LNPEP: variants seen among roughly 807,000 people sequenced by gnomAD.
LNPEP encodes the protein leucyl and cystinyl aminopeptidase, also known as leucyl-cystinyl aminopeptidase.
LNPEP carries 64 observed loss-of-function variants against 120.6 expected under a neutral mutation model. The ratio of observed to expected loss-of-function variants is 0.53; its 90% CI spans 0.43 to 0.65. The LOEUF (loss-of-function observed/expected upper bound fraction) is 0.65, where lower values mean the gene tolerates loss of function less well. Among genes scored for constraint, LNPEP ranks in the 30% least tolerant of loss-of-function variants. LNPEP has a pLI of 0.00. For missense variants in LNPEP, 1,057 were observed against 1,200.0 expected, an observed-to-expected ratio of 0.88 and a Z score of 1.76; for synonymous variants, 435 against 425.4, an observed-to-expected ratio of 1.02 and a Z score of -0.28.
At chr5:96,974,788 C>T (rs944955935) in intron 1 of LNPEP, among the ~76,000 whole-genome samples, 7 of 152,056 alleles carry the variant, frequency 4.6e-5, no homozygotes, top group Admixed American at 3.9e-4. Context: ...TTTACTTGAC[C>T]TTTCTAAAAT....
chr5:96,971,318 AC>A (rs1461929408), intron 1 of LNPEP, among the ~76,000 whole-genome samples: 9 of 147,876 alleles, frequency 6.1e-5, no homozygotes, highest in African/African-American at 2.3e-4. Context: ...AGCAGTTTTG[AC>A]CATGATGTGC....
intron 1 of LNPEP, among the ~76,000 whole-genome samples, chr5:96,948,838 C>T (rs1789253916): frequency 6.6e-6 from 1 of 151,930 alleles, no homozygotes; most frequent in South Asian, 2.1e-4. Context: ...TATAAATCTA[C>T]CTTATTTTGT....
intron 1 of LNPEP, among the ~76,000 whole-genome samples, chr5:96,947,275 A>AT (rs1789207447): frequency 6.6e-6 from 1 of 152,174 alleles, no homozygotes; most frequent in African/African-American, 2.4e-5. Flanking sequence ...GAATATAAAG[A>AT]TTTTTTGTTA....
At chr5:96,962,871 T>C (rs1360374527) in intron 1 of LNPEP, 1 of 151,748 alleles carries the variant, frequency 6.6e-6, no homozygotes, top group East Asian at 1.9e-4. Flanking sequence ...TCAGTGGTGG[T>C]AGTGACGATG....
intron 6 of LNPEP, chr5:96,996,055 C>A: frequency 6.0e-6 from 1 of 166,352 alleles, no homozygotes; most frequent in Non-Finnish European, 1.3e-5. Context: ...GGAAATCTCA[C>A]TTTATGAGGT....
chr5:97,013,585 T>C, intron 11 of LNPEP, 63 bp from the exon 12 acceptor site: 1 of 905,402 alleles, frequency 1.1e-6, no homozygotes, highest in South Asian at 3.0e-5. Flanking sequence ...AAAGCACTCA[T>C]AATTTTTTTT....
chr5:97,013,988 C>A (rs1324119900), intron 12 of LNPEP, among the ~76,000 whole-genome samples, 157 bp downstream of exon 12: 1 of 152,012 alleles, frequency 6.6e-6, no homozygotes, highest in Non-Finnish European at 1.5e-5. Context: ...CCTCCAGGGA[C>A]TTTATAAAAC....
chr5:96,945,074 C>G (rs1420090063), intron 1 of LNPEP, among the ~76,000 whole-genome samples: 2 of 151,810 alleles, frequency 1.3e-5, no homozygotes, highest in African/African-American at 2.4e-5. Context: ...TAAAATGTGC[C>G]AGACTCTTAG....
intron 3 of LNPEP, among the ~76,000 whole-genome samples, chr5:96,985,857 A>C (rs1582005205): frequency 6.6e-6 from 1 of 151,634 alleles, no homozygotes; most frequent in South Asian, 2.1e-4. Flanking sequence ...AGCCATACCC[A>C]GCAGGCTATG....
chr5:96,992,249 G>T (rs957200184), intron 4 of LNPEP, among the ~76,000 whole-genome samples: 12 of 152,144 alleles, frequency 7.9e-5, no homozygotes, highest in African/African-American at 2.9e-4. Context: ...GAGTGAATGG[G>T]CAGTGGGAGA....
At position 97,034,494 on chromosome 5, in the gene LNPEP, ATTG is replaced by A. The variant is rs1369648681; in HGVS notation, c.*5967_*5969del. On this transcript the variant is annotated 3_prime_UTR_variant, in exon 18 of 18. Coordinates refer to ENST00000231368, the MANE Select transcript of LNPEP (RefSeq NM_005575.3). ...ATATAAAAGTTTGCTAGTTGTTGTT[ATTG>A]TTGTTCTTTCACTCTCAACACAGTT... 1.4e-4 allele frequency: 21 copies of A among 148,132 alleles called. No homozygotes were observed. Among genetic ancestry groups the A allele is most frequent in the African/African-American group, 4.7e-4 (19 of 40,026 alleles). 9.2% of individuals were successfully genotyped at this position (148,132 alleles called of 1,614,324 possible). A position where few individuals can be genotyped will look rare whatever the true frequency, so the allele number is the denominator to read the frequency against.
rs543155083 is a variant in LNPEP at position 96,993,880 on chromosome 5, G to T, written c.1316G>T (p.Arg439Leu). Reference sequence around the variant, plus strand: ...GAAAATTGGGGTTTGCTCACCTTCCGAGAGGAGACACTTCTGTATGACAGT... The same window carrying T: ...GAAAATTGGGGTTTGCTCACCTTCCTAGAGGAGACACTTCTGTATGACAGT... The part of the protein sequence containing the change: ...AMENWGLLTF[R>L]EETLLYDSNT... Residue 439 changes from arginine (R) to leucine (L), a missense_variant, in exon 6 of 18, where the codon CGA (arginine) becomes CTA (leucine). Coordinates refer to ENST00000231368, the MANE Select transcript of LNPEP (RefSeq NM_005575.3). The T allele has an allele frequency of 5.0e-6, 8 of 1,613,836 alleles. No individual in the cohort carries two copies. In the East Asian group the frequency reaches 1.6e-4, roughly 31 times the overall value.
intron 1 of LNPEP, chr5:96,936,391 G>GCGC (rs148133629): frequency 0.3 from 97,679 of 324,384 alleles, 17,925 homozygotes; most frequent in Non-Finnish European, 0.33. Flanking sequence ...TTGAAGGTCA[G>GCGC]CGCCGCCGCC....
intron 11 of LNPEP, among the ~76,000 whole-genome samples, chr5:97,013,143 T>C (rs1790980486): frequency 6.6e-6 from 1 of 152,112 alleles, no homozygotes; most frequent in African/African-American, 2.4e-5. Flanking sequence ...ACTTTCTCTC[T>C]GGGCCTTGAG....
At chr5:96,936,867 A>G (rs1788907491) in intron 1 of LNPEP, 1 of 152,126 alleles carries the variant, frequency 6.6e-6, no homozygotes, top group South Asian at 2.1e-4. Flanking sequence ...TGGTGATACC[A>G]CTGTGTGACA....
At chr5:97,001,861 C>T (rs1022769696) in intron 8 of LNPEP, among the ~76,000 whole-genome samples, 3 of 152,082 alleles carry the variant, frequency 2.0e-5, no homozygotes, top group African/African-American at 7.2e-5. Context: ...TACTTCCGGC[C>T]GGGCATGGTA....
chr5:96,951,618 C>G (rs889970852), intron 1 of LNPEP, among the ~76,000 whole-genome samples: 1 of 152,112 alleles, frequency 6.6e-6, no homozygotes, highest in Non-Finnish European at 1.5e-5. Flanking sequence ...GGGGATACAA[C>G]TGTATCATAG....
intron 4 of LNPEP, among the ~76,000 whole-genome samples, chr5:96,989,436 T>C (rs13190351): frequency 7.2e-6 from 1 of 138,298 alleles, no homozygotes; most frequent in Non-Finnish European, 1.5e-5. Context: ...ATTATATATT[T>C]ATATATATTA....
At chr5:97,009,756 G>A (rs1790881176) in intron 11 of LNPEP, among the ~76,000 whole-genome samples, 1 of 152,058 alleles carries the variant, frequency 6.6e-6, no homozygotes, top group Admixed American at 6.6e-5. Context: ...CTGTCCTTAC[G>A]TTTGACCCTG....
Sources: allele counts gnomAD v4.1 joint callset (sites outside exome capture counted in the v4.1 genomes callset), GRCh38; gene constraint gnomAD v4.1.1; transcripts MANE v1.5; gene names NCBI Gene and HGNC (gene_info 2026-07-23, HGNC 2026-07-21).